The following KCNQ3 variants were observed in gnomAD, a reference collection of about 807,000 sequenced individuals.
KCNQ3 encodes potassium voltage-gated channel subfamily Q member 3.
KCNQ3 carries 30 observed loss-of-function variants against 92.5 expected under a neutral mutation model. The observed-to-expected ratio is 0.32, with a 90% CI of 0.24 to 0.44. KCNQ3 has a LOEUF of 0.44. Ranked by LOEUF, KCNQ3 falls within the 20% of genes least tolerant of loss-of-function variation. KCNQ3 has a pLI of 1.00. For missense variants in KCNQ3, 913 were observed against 1,140.3 expected (o/e 0.80, Z 2.87); for synonymous variants, 450 against 468.8 (o/e 0.96, Z 0.52).
At chr8:132,461,635 T>C (rs955110671) in intron 1 of KCNQ3, among the ~76,000 whole-genome samples, 1 of 152,216 alleles carries the variant, frequency 6.6e-6, no homozygotes, top group Admixed American at 6.5e-5. Context: ...TCCATTCCCA[T>C]CAGCAATGAA....
chr8:132,451,428 C>T (rs143642313), intron 1 of KCNQ3, among the ~76,000 whole-genome samples: 2 of 152,342 alleles, frequency 1.3e-5, no homozygotes, highest in African/African-American at 4.8e-5. Context: ...CACCATCCAC[C>T]ACGGGCAGAC....
intron 1 of KCNQ3, among the ~76,000 whole-genome samples, chr8:132,321,860 C>A (rs1220160801): frequency 6.6e-6 from 1 of 152,184 alleles, no homozygotes; most frequent in African/African-American, 2.4e-5. Context: ...CACCTCAGGG[C>A]CCACCTCCCC....
intron 1 of KCNQ3, among the ~76,000 whole-genome samples, chr8:132,359,079 C>G (rs752051959): frequency 9.9e-5 from 15 of 152,208 alleles, no homozygotes; most frequent in Non-Finnish European, 2.2e-4. Context: ...CTTGACCTCT[C>G]CATATCCTCA....
intron 1 of KCNQ3, among the ~76,000 whole-genome samples, chr8:132,348,000 A>AAAAAAAAG (rs1818748003): frequency 6.9e-6 from 1 of 144,986 alleles, no homozygotes; most frequent in Non-Finnish European, 1.5e-5. Flanking sequence ...AAAAAAAAAA[A>AAAAAAAAG]AGGAAAACCC....
intron 1 of KCNQ3, among the ~76,000 whole-genome samples, chr8:132,441,713 G>A (rs1821542770): frequency 1.3e-5 from 2 of 152,104 alleles, no homozygotes; most frequent in Admixed American, 1.3e-4. Context: ...CTTCCACAAT[G>A]GCTAAACTAA....
chr8:132,190,276 G>A (rs1283063707), intron 1 of KCNQ3, among the ~76,000 whole-genome samples: 1 of 152,142 alleles, frequency 6.6e-6, no homozygotes, highest in Non-Finnish European at 1.5e-5. Flanking sequence ...TTGCATAATT[G>A]TCTTTTCTGA....
At chr8:132,402,423 C>T (rs1820363196) in intron 1 of KCNQ3, among the ~76,000 whole-genome samples, 1 of 152,198 alleles carries the variant, frequency 6.6e-6, no homozygotes, top group African/African-American at 2.4e-5. Flanking sequence ...ACCTTCAGCA[C>T]ATTTTAATTC....
rs1826897834 is a variant in KCNQ3, at chr8:132,184,500, G to A, written c.478-133C>T. ...GGTTGTCTGGTTGGCAGGGATGGCTGGGGATGGGGGTGGGGAAGGGGAACC... is the reference window on the plus strand; with the variant it reads ...GGTTGTCTGGTTGGCAGGGATGGCTAGGGATGGGGGTGGGGAAGGGGAACC... On this transcript the variant is annotated intron_variant, in intron 2 of 14. Coordinates refer to ENST00000388996, the MANE Select transcript of KCNQ3 (RefSeq NM_004519.4). 5.3e-6 allele frequency: 5 copies of A among 940,292 alleles called. No individual in the cohort carries two copies. The Admixed American group carries it at 7.6e-5, about 14-fold the overall frequency. 58.2% of individuals were successfully genotyped at this position (940,292 alleles called of 1,614,324 possible).
At chr8:132,444,233 C>T (rs187049018) in intron 1 of KCNQ3, among the ~76,000 whole-genome samples, 23 of 152,202 alleles carry the variant, frequency 1.5e-4, no homozygotes, top group African/African-American at 2.4e-4. Context: ...AGCTCATGCC[C>T]CTCTAATCCT....
chr8:132,441,949 T>C (rs191605655), intron 1 of KCNQ3, among the ~76,000 whole-genome samples: 136 of 152,266 alleles, frequency 8.9e-4, no homozygotes, highest in African/African-American at 3.1e-3. Context: ...CTGGAGGCCA[T>C]TATCCTCAGC....
intron 1 of KCNQ3, among the ~76,000 whole-genome samples, chr8:132,365,941 G>A (rs1402452866): frequency 6.6e-6 from 1 of 152,148 alleles, no homozygotes; most frequent in Admixed American, 6.5e-5. Context: ...TGAGGAGGGA[G>A]GATGGTTTGA....
chr8:132,314,194 A>T (rs910225284), intron 1 of KCNQ3, among the ~76,000 whole-genome samples: 5 of 152,178 alleles, frequency 3.3e-5, no homozygotes, highest in African/African-American at 1.2e-4. Flanking sequence ...AATGCAAAAC[A>T]TTTCCTAAAT....
In KCNQ3 at chr8:132,390,389, C is replaced by T. The variant is rs561000418; in HGVS notation, c.386+89758G>A. Among the ~76,000 whole-genome samples, 48 of 152,258 alleles carry T rather than the reference C, an allele frequency of 3.2e-4. No individual in the cohort carries two copies. In the South Asian group the frequency reaches 7.5e-3, roughly 24 times the overall value. ...GCAATGGTCTTGCTCCTGGTGGTGA[C>T]ACAGTTGTTCTCTTTACAGTAATTC... On this transcript the variant is annotated intron_variant, in intron 1 of 14. Transcript: ENST00000388996.
At chr8:132,448,973 T>C (rs977798115) in intron 1 of KCNQ3, among the ~76,000 whole-genome samples, 1 of 152,126 alleles carries the variant, frequency 6.6e-6, no homozygotes, top group Non-Finnish European at 1.5e-5. Context: ...ACTGGTGAGG[T>C]TGCCACGGTA....
At chr8:132,160,298 T>C (rs762708332) in intron 9 of KCNQ3, among the ~76,000 whole-genome samples, 2 of 152,198 alleles carry the variant, frequency 1.3e-5, no homozygotes, top group Non-Finnish European at 2.9e-5. Context: ...GTCCAGCTGA[T>C]GCGGAGGAAG....
intron 1 of KCNQ3, among the ~76,000 whole-genome samples, chr8:132,367,197 G>C (rs1819346018): frequency 6.6e-6 from 1 of 152,194 alleles, no homozygotes; most frequent in African/African-American, 2.4e-5. Flanking sequence ...TTTGGAGGTA[G>C]CTGTATACAA....
intron 1 of KCNQ3, among the ~76,000 whole-genome samples, chr8:132,329,968 C>T (rs1312644764): frequency 6.6e-6 from 1 of 152,262 alleles, no homozygotes; most frequent in Non-Finnish European, 1.5e-5. Context: ...TAGGTCTACA[C>T]CCTGGAGCCT....
chr8:132,472,190 A>G (rs1822312758), intron 1 of KCNQ3, among the ~76,000 whole-genome samples: 1 of 152,196 alleles, frequency 6.6e-6, no homozygotes, highest in Non-Finnish European at 1.5e-5. Flanking sequence ...CCACTATGGA[A>G]AGCAATATGG....
intron 1 of KCNQ3, among the ~76,000 whole-genome samples, chr8:132,293,983 T>C (rs1045259660): frequency 4.1e-5 from 6 of 147,308 alleles, no homozygotes; most frequent in Admixed American, 3.5e-4. Context: ...TCACTAAGGG[T>C]TTTTTGTGTG....
Sources: allele counts gnomAD v4.1 joint callset (sites outside exome capture counted in the v4.1 genomes callset), GRCh38; gene constraint gnomAD v4.1.1; transcripts MANE v1.5; gene names NCBI Gene and HGNC (gene_info 2026-07-23, HGNC 2026-07-21).